VAPA: variants seen among roughly 807,000 people sequenced by gnomAD.
VAPA encodes VAMP associated protein A, also known as vesicle-associated membrane protein-associated protein A.
A neutral mutation model predicts 25.6 loss-of-function variants in VAPA; 6 were observed. The ratio of observed to expected loss-of-function variants is 0.23; its 90% CI spans 0.13 to 0.46. VAPA has a LOEUF of 0.46. Among genes scored for constraint, VAPA ranks in the 20% least tolerant of loss-of-function variants. The pLI is 0.99. For missense variants in VAPA, 244 were observed against 302.1 expected (o/e 0.81, Z 1.43); for synonymous variants, 112 against 106.2 (o/e 1.05, Z -0.34).
At chr18:9,936,654 G>C (rs945989293) in intron 3 of VAPA, 3 of 253,564 alleles carry the variant, frequency 1.2e-5, no homozygotes, top group Non-Finnish European at 2.2e-5. Flanking sequence ...GGCATGGGAG[G>C]ATTGATTGCT....
chr18:9,946,678 C>T (rs2069427475), intron 4 of VAPA, among the ~76,000 whole-genome samples: 1 of 151,788 alleles, frequency 6.6e-6, no homozygotes, highest in African/African-American at 2.4e-5. Flanking sequence ...ATGGATCTTG[C>T]AGAACTGGAA....
chr18:9,935,937 C>G (rs758128866), intron 2 of VAPA, among the ~76,000 whole-genome samples, 173 bp from the exon 3 acceptor site: 4 of 151,826 alleles, frequency 2.6e-5, no homozygotes, highest in Non-Finnish European at 5.9e-5. Context: ...TTTCTTGAAC[C>G]CTTCTTGGTT....
At chr18:9,924,252 C>T (rs1372004758) in intron 1 of VAPA, among the ~76,000 whole-genome samples, 2 of 151,978 alleles carry the variant, frequency 1.3e-5, no homozygotes, top group Non-Finnish European at 2.9e-5. Context: ...TACATCCTAC[C>T]TGTCTAGAAT....
chr18:9,945,231 C>T (rs1405213906), intron 4 of VAPA, among the ~76,000 whole-genome samples: 1 of 151,734 alleles, frequency 6.6e-6, no homozygotes, highest in Non-Finnish European at 1.5e-5. Flanking sequence ...TGCATACAAA[C>T]TATTCTGTTC....
At chr18:9,930,266 CAT>C (rs1487264248) in intron 1 of VAPA, among the ~76,000 whole-genome samples, 13 of 152,060 alleles carry the variant, frequency 8.5e-5, no homozygotes, top group African/African-American at 2.9e-4. Context: ...AATTTTGTGA[CAT>C]GTCTTTTTGT....
chr18:9,929,284 C>T (rs778328261), intron 1 of VAPA, among the ~76,000 whole-genome samples: 11 of 152,044 alleles, frequency 7.2e-5, no homozygotes, highest in South Asian at 2.1e-4. Flanking sequence ...GAATGTCTAC[C>T]GTCCTGTTTC....
At chr18:9,945,474 C>T (rs1420616897) in intron 4 of VAPA, among the ~76,000 whole-genome samples, 1 of 150,276 alleles carries the variant, frequency 6.7e-6, no homozygotes, top group Non-Finnish European at 1.5e-5. Context: ...ATTCTCCCAC[C>T]TCAGCCTCCT....
intron 4 of VAPA, 122 bp from the exon 5 acceptor site, chr18:9,950,273 A>T: frequency 1.0e-6 from 1 of 989,796 alleles, no homozygotes; most frequent in Non-Finnish European, 1.5e-6. Flanking sequence ...GCTGACATGT[A>T]CTGATTTAGG....
intron 2 of VAPA, 40 bp downstream of exon 2, chr18:9,932,002 T>A: frequency 7.1e-7 from 1 of 1,406,270 alleles, no homozygotes; most frequent in Non-Finnish European, 9.8e-7. Context: ...ATTTGAATTT[T>A]GACCTTTTAT....
intron 1 of VAPA, among the ~76,000 whole-genome samples, chr18:9,926,054 G>A (rs1389245416): frequency 6.6e-6 from 1 of 151,976 alleles, no homozygotes; most frequent in East Asian, 1.9e-4. Flanking sequence ...TTGTAAACTT[G>A]GTATATTAAA....
intron 5 of VAPA, among the ~76,000 whole-genome samples, chr18:9,952,975 CAATAAAGG>C (rs1336151617): frequency 6.6e-6 from 1 of 151,988 alleles, no homozygotes; most frequent in Admixed American, 6.6e-5. Context: ...TTTATAAGCA[CAATAAAGG>C]AATCATGGGA....
rs1166701682 is a variant in VAPA at position 9,958,435 on chromosome 18, T to G, written c.*4224T>G. ...GTATAACACCCATCTTGAAAGAGAG[T>G]ATATAGGAAGTTATTCAGATAACTT... On this transcript the variant is annotated 3_prime_UTR_variant, in exon 6 of 6. Coordinates refer to ENST00000400000, the MANE Select transcript of VAPA (RefSeq NM_194434.3). 1 of 152,152 alleles carries G rather than the reference T, an allele frequency of 6.6e-6. No individual in the cohort carries two copies. The highest frequency in any genetic ancestry group is 1.5e-5 in the Non-Finnish European group (1 of 68,030). 9.4% of individuals were successfully genotyped at this position (152,152 alleles called of 1,614,324 possible). A position where few individuals can be genotyped will look rare whatever the true frequency, so the allele number is the denominator to read the frequency against.
intron 5 of VAPA, chr18:9,951,390 G>A (rs1331547048): frequency 1.3e-5 from 2 of 152,278 alleles, no homozygotes; most frequent in Non-Finnish European, 2.9e-5. Context: ...TGTCTGCTTT[G>A]TGCCTCCACT....
At position 9,959,735 on chromosome 18, in the gene VAPA, A is replaced by AAG. The variant is rs1235023378; in HGVS notation, c.*5525_*5526insGA. 1.3e-5 allele frequency: 2 copies of AAG among 150,696 alleles called. No homozygotes were observed. The highest frequency in any genetic ancestry group is 3.9e-4 in the East Asian group (2 of 5,176). 9.3% of individuals were successfully genotyped at this position (150,696 alleles called of 1,614,324 possible). A position where few individuals can be genotyped will look rare whatever the true frequency, so the allele number is the denominator to read the frequency against. On this transcript the variant is annotated 3_prime_UTR_variant, in exon 6 of 6. Transcript: ENST00000400000. ...TGACATTGTTCCAAAAAAAAAAAAA[A>AAG]AAAAAAAAAAAATGTGGAGGGTTGA...
At chr18:9,924,680 C>G (rs950877493) in intron 1 of VAPA, among the ~76,000 whole-genome samples, 3 of 152,100 alleles carry the variant, frequency 2.0e-5, no homozygotes, top group African/African-American at 7.2e-5. Context: ...TCTTTACCAC[C>G]GGGTAGAAGA....
At chr18:9,943,760 ACT>A (rs2069389141) in intron 4 of VAPA, among the ~76,000 whole-genome samples, 1 of 146,358 alleles carries the variant, frequency 6.8e-6, no homozygotes, top group African/African-American at 2.5e-5. Context: ...TGAGGCCTTA[ACT>A]CTGACATTTT....
At chr18:9,923,799 T>G (rs2069176911) in intron 1 of VAPA, 1 of 152,186 alleles carries the variant, frequency 6.6e-6, no homozygotes, top group Admixed American at 6.5e-5. Flanking sequence ...CTTCCAGGAT[T>G]TTACAAGTAA....
rs564460390 is a variant in VAPA at position 9,917,719 on chromosome 18, A to C, written c.79+3384A>C. ...TGTTGAGAGTGGCCGATAACAATAA[A>C]TCAACAAAGAAAATTAAGCTCTCTG... On this transcript the variant is annotated intron_variant, in intron 1 of 5. Coordinates refer to ENST00000400000, the MANE Select transcript of VAPA (RefSeq NM_194434.3). Among the ~76,000 whole-genome samples, 6 of 152,368 alleles carry C rather than the reference A, an allele frequency of 3.9e-5. No homozygotes were observed. The East Asian group carries it at 1.2e-3, about 29-fold the overall frequency.
intron 4 of VAPA, chr18:9,948,344 A>G (rs1370483061): frequency 6.6e-6 from 1 of 152,172 alleles, no homozygotes; most frequent in African/African-American, 2.4e-5. Flanking sequence ...CAAAAGTGAA[A>G]TGTTTAATTT....
Sources: gnomAD v4.1 joint callset for allele counts (sites outside exome capture counted in the v4.1 genomes callset) on GRCh38, gnomAD v4.1.1 for gene constraint, MANE v1.5 for transcripts, NCBI Gene and HGNC (gene_info 2026-07-23, HGNC 2026-07-21) for gene names.